The following GPR135 variants were observed in gnomAD, a reference collection of about 807,000 sequenced individuals.
GPR135 encodes the protein G-protein coupled receptor 135.
Under a neutral mutation model 15.0 loss-of-function variants are expected in GPR135, and 17 were observed. That is an observed-to-expected ratio of 1.13 (90% CI 0.78 to 1.70). The LOEUF (loss-of-function observed/expected upper bound fraction) is 1.70, where lower values mean the gene tolerates loss of function less well. Among genes scored for constraint, GPR135 ranks in the 40% most tolerant of loss-of-function variants. GPR135 has a pLI of 0.00. For synonymous variants in GPR135, 368 were observed against 349.4 expected (o/e 1.05, Z -0.59); for missense variants, 776 against 727.0 (o/e 1.07, Z -0.78).
rs761669440 is a variant in GPR135 at position 59,464,501 on chromosome 14, C to A, written c.726G>T (p.Leu242Phe). The A allele has an allele frequency of 6.5e-7, 1 of 1,542,484 alleles. No homozygotes were observed. The highest frequency in any genetic ancestry group is 1.2e-5 in the South Asian group (1 of 84,406). ...GGGGCGCCCCGAGCAGCTCCCAGGG[C>A]AAGGAGAAGCCCAGGGCCGTCAGCC... ...GAWLTALGFS[L>F]PWELLGAPRE... The change falls in exon 1 of 1, where the codon TTG becomes TTT. Residue 242 changes from leucine to phenylalanine, a missense_variant. Transcript: ENST00000395116.
At chr14:59,458,380 C>T (rs1054307126), downstream of GPR135, among the ~76,000 whole-genome samples, 3 of 152,190 alleles carry the variant, frequency 2.0e-5, no homozygotes, top group Non-Finnish European at 2.9e-5. Flanking sequence ...TGGGTTCTCT[C>T]TGGTAAACTA....
intron 6 of GPR135, among the ~76,000 whole-genome samples, chr14:59,452,976 T>C (rs948056603): frequency 6.6e-6 from 1 of 152,152 alleles, no homozygotes; most frequent in Non-Finnish European, 1.5e-5. Context: ...AAAGCCAATC[T>C]GAAAAGGCTT....
At chr14:59,456,086 T>C (rs758661331), downstream of GPR135, among the ~76,000 whole-genome samples, 10 of 152,156 alleles carry the variant, frequency 6.6e-5, no homozygotes, top group Admixed American at 1.3e-4. Context: ...GACCTGGAAG[T>C]GCAAGTCATC....
intron 6 of GPR135, among the ~76,000 whole-genome samples, chr14:59,454,954 G>T (rs565959954): frequency 2.6e-5 from 4 of 152,204 alleles, no homozygotes; most frequent in African/African-American, 4.8e-5. Context: ...CAAAAAATTA[G>T]CCGGGCCTGG....
chr14:59,463,121 G>A lies in GPR135; in HGVS notation c.*621C>T, dbSNP rs1007939015. 1 of 152,096 alleles carries A rather than the reference G, an allele frequency of 6.6e-6. No individual in the cohort carries two copies. Among genetic ancestry groups the A allele is most frequent in the African/African-American group, 2.4e-5 (1 of 41,402 alleles). 9.4% of individuals were successfully genotyped at this position (152,096 alleles called of 1,614,324 possible). A position where few individuals can be genotyped will look rare whatever the true frequency, so the allele number is the denominator to read the frequency against. On this transcript the variant is annotated 3_prime_UTR_variant, in exon 1 of 1. Coordinates refer to ENST00000395116, the MANE Select transcript of GPR135 (RefSeq NM_022571.6). ...CATACTTCTATTTGTCCTTCAGATGGTTGAATTTTATCTAATAATAACCAG... is the reference window on the plus strand; with the variant it reads ...CATACTTCTATTTGTCCTTCAGATGATTGAATTTTATCTAATAATAACCAG...
chr14:59,456,387 A>G (rs1004075342), downstream of GPR135: 7 of 152,242 alleles, frequency 4.6e-5, no homozygotes, highest in African/African-American at 1.7e-4. Flanking sequence ...ACGCCACTTC[A>G]GTTTGTTTTA....
At position 59,462,653 on chromosome 14, in the gene GPR135, G is replaced by T. The variant is rs1207356648; in HGVS notation, c.*1089C>A. Reference sequence around the variant, plus strand: ...GTATGATCTATTTGGAAAAGTCTACGCTAATTCCAAGAGGCTGCTTCTCAA... The same window carrying T: ...GTATGATCTATTTGGAAAAGTCTACTCTAATTCCAAGAGGCTGCTTCTCAA... On this transcript the variant is annotated 3_prime_UTR_variant, in exon 1 of 1. Coordinates refer to ENST00000395116, the MANE Select transcript of GPR135 (RefSeq NM_022571.6). 1 of 152,082 alleles carries T rather than the reference G, an allele frequency of 6.6e-6. No homozygotes were observed. Among genetic ancestry groups the T allele is most frequent in the Non-Finnish European group, 1.5e-5 (1 of 68,008 alleles). The allele number at this position is 152,082 out of a possible 1,614,324, so 9.4% of individuals were successfully genotyped here.
chr14:59,454,633 G>T (rs1466667396), intron 6 of GPR135, among the ~76,000 whole-genome samples: 1 of 152,174 alleles, frequency 6.6e-6, no homozygotes, highest in African/African-American at 2.4e-5. Context: ...TACTAAAGGA[G>T]GCTGTGCCAA....
downstream of GPR135, among the ~76,000 whole-genome samples, chr14:59,459,766 A>G (rs1005941456): frequency 1.3e-5 from 2 of 152,226 alleles, no homozygotes; most frequent in African/African-American, 4.8e-5. Flanking sequence ...GGAGGGAAGA[A>G]TGGGCATTTT....
chr14:59,453,663 T>C (rs1458272619), intron 6 of GPR135, among the ~76,000 whole-genome samples: 1 of 152,138 alleles, frequency 6.6e-6, no homozygotes, highest in Admixed American at 6.5e-5. Context: ...ATCAAGTCCA[T>C]TGAAATTAGT....
chr14:59,464,359 A>G lies in GPR135; in HGVS notation c.868T>C (p.Phe290Leu), dbSNP rs755399521. The G allele has an allele frequency of 6.8e-6, 11 of 1,608,252 alleles. No homozygotes were observed. Among genetic ancestry groups the G allele is most frequent in the Non-Finnish European group, 8.5e-6 (10 of 1,177,620 alleles). The change falls in exon 1 of 1, where the codon TTC becomes CTC. Residue 290 changes from phenylalanine to leucine, a missense_variant. Phe to Leu is a conservative substitution (Grantham distance 22, BLOSUM62 0). Coordinates refer to ENST00000395116, the MANE Select transcript of GPR135 (RefSeq NM_022571.6). ...GLVVACYLLP[F>L]LLMCFCHYHI... ...TAGTGGCAGAAGCACATGAGCAGGAAGGGCAGCAGGTAGCAGGCCACCACC... is the reference window on the plus strand; with the variant it reads ...TAGTGGCAGAAGCACATGAGCAGGAGGGGCAGCAGGTAGCAGGCCACCACC...
chr14:59,461,315 CA>C lies in GPR135; in HGVS notation c.*2426del, dbSNP rs1185911412. 6.6e-6 allele frequency: 1 copy of C among 152,156 alleles called. No homozygotes were observed. The highest frequency in any genetic ancestry group is 2.4e-5 in the African/African-American group (1 of 41,430). The allele number at this position is 152,156 out of a possible 1,614,324, so 9.4% of individuals were successfully genotyped here. ...AGAAACAAACATGGAGTTCTGAGGC[CA>C]AACAGACTGCAGTTCAAATCCTAGT... is the stretch of plus-strand genomic sequence containing the variant. On this transcript the variant is annotated 3_prime_UTR_variant, in exon 1 of 1. Transcript: ENST00000395116.
Position 59,464,230 on chromosome 14 carries a change from CGGT to C in GPR135, c.994_996del (p.Thr332del). On this transcript the variant is annotated inframe_deletion, in exon 1 of 1. Transcript: ENST00000395116. ...ATGACGAAGACGATCATGATGAGGA[CGGT>C]GGTGGCCGTGCGCACCTCGCTGAAG... 1 of 1,611,542 alleles carries C rather than the reference CGGT, an allele frequency of 6.2e-7. No homozygotes were observed. The highest frequency in any genetic ancestry group is 1.1e-5 in the South Asian group (1 of 91,080).
chr14:59,457,887 T>C (rs1211817998), downstream of GPR135, among the ~76,000 whole-genome samples: 2 of 152,190 alleles, frequency 1.3e-5, no homozygotes, highest in Admixed American at 6.5e-5. Flanking sequence ...TCTGTGCATG[T>C]CTCATATATT....
rs1888905792 is a variant in GPR135, at chr14:59,462,555, A to C, written c.*1187T>G. 1 of 152,202 alleles carries C rather than the reference A, an allele frequency of 6.6e-6. No homozygotes were observed. Among genetic ancestry groups the C allele is most frequent in the South Asian group, 2.1e-4 (1 of 4,830 alleles). The allele number at this position is 152,202 out of a possible 1,614,324, so 9.4% of individuals were successfully genotyped here. A position where few individuals can be genotyped will look rare whatever the true frequency, so the allele number is the denominator to read the frequency against. On this transcript the variant is annotated 3_prime_UTR_variant, in exon 1 of 1. Transcript: ENST00000395116. ...CTTTAATAAATACATTATCTTCGAC[A>C]AGTCATAGCTATAAAGCAACCATCA...
Position 59,463,868 on chromosome 14 carries a change from C to T in GPR135, c.1359G>A (p.Val453=), listed in dbSNP as rs1168033206. The T allele has an allele frequency of 1.9e-6, 3 of 1,614,166 alleles. No homozygotes were observed. In the South Asian group the frequency reaches 3.3e-5, roughly 18 times the overall value. Residue 453 remains valine (V), a synonymous_variant, in exon 1 of 1, where the codon GTG becomes GTA. Coordinates refer to ENST00000395116, the MANE Select transcript of GPR135 (RefSeq NM_022571.6). ...GGGCCCACATGGCCACGTCCCCTGC[C>T]ACTCCGCTGGCCGGGTTGGAAGAGG... ...RMSSSNPASG[V]AGDVAMWARK...
In GPR135 at chr14:59,465,228, G is replaced by A. The variant is rs1311483454; in HGVS notation, c.-2C>T. ...GCGGGGCGGCTGCGGCTCCTCCATG[G>A]GGCCCAGTGGCGGCCGCGGATCTCC... On this transcript the variant is annotated 5_prime_UTR_variant, in exon 1 of 1. Coordinates refer to ENST00000395116, the MANE Select transcript of GPR135 (RefSeq NM_022571.6). 22 of 1,235,884 alleles carry A rather than the reference G, an allele frequency of 1.8e-5. No individual in the cohort carries two copies. Among genetic ancestry groups the A allele is most frequent in the Non-Finnish European group, 2.0e-5 (20 of 989,974 alleles). 76.6% of individuals were successfully genotyped at this position (1,235,884 alleles called of 1,614,324 possible).
Position 59,464,017 on chromosome 14 carries a change from C to T in GPR135, c.1210G>A (p.Glu404Lys), listed in dbSNP as rs757143531. 2 of 1,613,980 alleles carry T rather than the reference C, an allele frequency of 1.2e-6. No homozygotes were observed. The highest frequency in any genetic ancestry group is 1.3e-5 in the African/African-American group (1 of 75,086). The change falls in exon 1 of 1, where the codon GAG (glutamate) becomes AAG (lysine). Residue 404 changes from glutamate to lysine, a missense_variant. Physicochemically the swap from Glu to Lys is moderately conservative, Grantham distance 56 (BLOSUM62 1). Transcript: ENST00000395116. ...ISMLLGRNRE[E>K]GYRTRNVDAF... is the part of the protein sequence containing the mutation. ...TCCACATTCCTAGTCCGGTAGCCCT[C>T]CTCGCGGTTGCGCCCTAGGAGCATC...
chr14:59,456,917 A>G (rs146686758), downstream of GPR135, among the ~76,000 whole-genome samples: 96 of 152,328 alleles, frequency 6.3e-4, no homozygotes, highest in African/African-American at 1.4e-3. Context: ...TTTCTGTACA[A>G]GAGGGAGAAA....
Sources: allele counts gnomAD v4.1 joint callset (sites outside exome capture counted in the v4.1 genomes callset), GRCh38; gene constraint gnomAD v4.1.1; transcripts MANE v1.5; gene names NCBI Gene and HGNC (gene_info 2026-07-23, HGNC 2026-07-21).